Variants in HFM1 observed in about 807,000 individuals in gnomAD.
The protein encoded by HFM1 is probable ATP-dependent DNA helicase HFM1.
In HFM1, 169 loss-of-function variants were observed where a neutral mutation model predicts 192.1. The observed-to-expected ratio is 0.88, with a 90% CI of 0.78 to 1.00. The LOEUF is 1.00. HFM1 is among the 50% of genes least tolerant of loss of function. The probability of loss-of-function intolerance (pLI) is 0.00; values close to 1 mark genes in which losing one functional copy is unlikely to be tolerated. For synonymous variants in HFM1, 525 were observed against 537.8 expected (o/e 0.98, Z 0.33); for missense variants, 1,661 against 1,668.0 (o/e 1.00, Z 0.07).
At chr1:91,378,811 A>G (rs1007072209) in intron 9 of HFM1, among the ~76,000 whole-genome samples, 25 of 152,052 alleles carry the variant, frequency 1.6e-4, no homozygotes, top group African/African-American at 6.0e-4. Flanking sequence ...AGCAATAAAT[A>G]TGATTACAAA....
chr1:91,382,583 C>T (rs1185378331), intron 6 of HFM1, among the ~76,000 whole-genome samples: 3 of 152,134 alleles, frequency 2.0e-5, no homozygotes, highest in African/African-American at 2.4e-5. Context: ...AAAACAAAAA[C>T]GTAATTTTGA....
chr1:91,294,791 T>C (rs1041024179), intron 30 of HFM1, among the ~76,000 whole-genome samples: 1 of 152,220 alleles, frequency 6.6e-6, no homozygotes, highest in Non-Finnish European at 1.5e-5. Context: ...GCTAATATGA[T>C]AGTACTGCTA....
intron 13 of HFM1, among the ~76,000 whole-genome samples, chr1:91,374,924 A>C (rs774737864): frequency 2.6e-5 from 4 of 152,114 alleles, no homozygotes; most frequent in Non-Finnish European, 4.4e-5. Flanking sequence ...AACATTTAAG[A>C]GTTGGGTAGA....
At chr1:91,285,503 T>C (rs1168001080) in intron 30 of HFM1, among the ~76,000 whole-genome samples, 1 of 152,196 alleles carries the variant, frequency 6.6e-6, no homozygotes, top group Non-Finnish European at 1.5e-5. Context: ...TGTCACAGCC[T>C]TAGTAGGGTA....
chr1:91,322,290 T>C (rs549860152), intron 23 of HFM1, among the ~76,000 whole-genome samples: 1 of 152,290 alleles, frequency 6.6e-6, no homozygotes, highest in South Asian at 2.1e-4. Context: ...CCTCTAGCTA[T>C]GGAGGAAAAA....
intron 13 of HFM1, among the ~76,000 whole-genome samples, chr1:91,354,547 C>T (rs1389208250): frequency 6.6e-6 from 1 of 151,978 alleles, no homozygotes; most frequent in Non-Finnish European, 1.5e-5. Flanking sequence ...ACATTATAAC[C>T]AAAATGTGGA....
At chr1:91,389,254 C>T (rs181840199) in intron 4 of HFM1, among the ~76,000 whole-genome samples, 8 of 151,266 alleles carry the variant, frequency 5.3e-5, no homozygotes, top group Admixed American at 6.6e-5. Context: ...CTCCGCCTCC[C>T]GGGTTCAAGT....
At chr1:91,300,957 A>G (rs1178862272) in intron 30 of HFM1, among the ~76,000 whole-genome samples, 1 of 152,278 alleles carries the variant, frequency 6.6e-6, no homozygotes, top group African/African-American at 2.4e-5. Flanking sequence ...GGAGAAGGAA[A>G]TAAAGAGTAT....
At chr1:91,301,036 C>T (rs139807381) in intron 30 of HFM1, among the ~76,000 whole-genome samples, 2,191 of 152,300 alleles carry the variant, frequency 0.014, 6 homozygotes, top group African/African-American at 0.041. Context: ...CTAGAAAACC[C>T]CATCATCTCA....
At position 91,271,565 on chromosome 1, in the gene HFM1, A is replaced by G. The variant is rs557840642; in HGVS notation, c.3772+2147T>C. On this transcript the variant is annotated intron_variant, in intron 34 of 38. Coordinates refer to ENST00000370425, the MANE Select transcript of HFM1 (RefSeq NM_001017975.6). ...GAGAGGAAACAATGAAAATATGGGA[A>G]AGAGGAGATGGATAATGATCTTCTA... Among the ~76,000 whole-genome samples the G allele has an allele frequency of 4.8e-4, 73 of 152,248 alleles. 2 individuals carry two copies. In the South Asian group the frequency reaches 0.015, roughly 31 times the overall value.
At chr1:91,395,373 C>T (rs1248393530) in intron 3 of HFM1, among the ~76,000 whole-genome samples, 5 of 152,044 alleles carry the variant, frequency 3.3e-5, no homozygotes, top group Non-Finnish European at 7.4e-5. Flanking sequence ...CATTTATGTA[C>T]ACGTATGTAT....
chr1:91,298,624 G>A (rs1442971611), intron 30 of HFM1, among the ~76,000 whole-genome samples: 1 of 152,114 alleles, frequency 6.6e-6, no homozygotes, highest in Non-Finnish European at 1.5e-5. Context: ...GAGAGTGGGG[G>A]CAAATATTCA....
chr1:91,383,604 TAG>T (rs1196762072), intron 6 of HFM1, among the ~76,000 whole-genome samples: 3 of 152,222 alleles, frequency 2.0e-5, no homozygotes, highest in African/African-American at 7.2e-5. Context: ...TGCCCAGGAT[TAG>T]AGTTATTGTT....
At chr1:91,404,653 C>T in intron 1 of HFM1, 145 bp downstream of exon 1, 2 of 278,086 alleles carry the variant, frequency 7.2e-6, no homozygotes, top group South Asian at 5.3e-5. Context: ...TGACCAACAA[C>T]TCGCCGCGCC....
intron 19 of HFM1, 78 bp from the exon 20 acceptor site, chr1:91,343,588 TA>T (rs1224138289): frequency 1.7e-6 from 1 of 595,248 alleles, no homozygotes; most frequent in Non-Finnish European, 2.9e-6. Flanking sequence ...TTAAATATGC[TA>T]AAGTTGTGCT....
chr1:91,321,529 A>G (rs1652105333), intron 23 of HFM1, among the ~76,000 whole-genome samples: 1 of 152,208 alleles, frequency 6.6e-6, no homozygotes, highest in South Asian at 2.1e-4. Context: ...AAGAGGATTA[A>G]CATCTACTTG....
At position 91,324,713 on chromosome 1, in the gene HFM1, AT is replaced by A. The variant is rs1652628230; in HGVS notation, c.2388del (p.Lys796AsnfsTer17). 1 of 1,565,644 alleles carries A rather than the reference AT, an allele frequency of 6.4e-7. No individual in the cohort carries two copies. The highest frequency in any genetic ancestry group is 1.4e-5 in the African/African-American group (1 of 73,894). On this transcript the variant is annotated frameshift_variant, in exon 21 of 39. Coordinates refer to ENST00000370425, the MANE Select transcript of HFM1 (RefSeq NM_001017975.6). LOFTEE classifies it high-confidence loss of function. ...GTTTCTTTTCCACTGATTGTATAAA[AT>A]TTCTTCACTGTCTCAAATGTAATAT... is the stretch of plus-strand genomic sequence containing the variant. ...WYYITFETVK[K>X]FYTISGKETL...
chr1:91,349,113 C>T (rs1254046486), intron 18 of HFM1, among the ~76,000 whole-genome samples: 3 of 151,914 alleles, frequency 2.0e-5, no homozygotes, highest in East Asian at 1.9e-4. Context: ...CATGGTGAAG[C>T]GCCGTCTCTG....
chr1:91,329,338 T>A lies in HFM1; in HGVS notation c.2336-4572A>T. 3 of 1,604,306 alleles carry A rather than the reference T, an allele frequency of 1.9e-6. No homozygotes were observed. In the Admixed American group the frequency reaches 5.1e-5, roughly 27 times the overall value. ...GAAAAGCAGTTCTCTGAGGAGCGAA[T>A]CCACAGTGGGGTCAAGAGGCTGAGT... On this transcript the variant is annotated intron_variant, in intron 20 of 38. Coordinates refer to ENST00000370425, the MANE Select transcript of HFM1 (RefSeq NM_001017975.6).
Sources: allele counts gnomAD v4.1 joint callset (sites outside exome capture counted in the v4.1 genomes callset), GRCh38; gene constraint gnomAD v4.1.1; transcripts MANE v1.5; gene names NCBI Gene and HGNC (gene_info 2026-07-23, HGNC 2026-07-21).